The following ZNF454 variants were observed in gnomAD, a reference collection of about 807,000 sequenced individuals.
ZNF454 encodes the protein zinc finger protein 454.
Under a neutral mutation model 48.2 loss-of-function variants are expected in ZNF454, and 30 were observed. The ratio of observed to expected loss-of-function variants is 0.62; its 90% confidence interval spans 0.47 to 0.84. The LOEUF is 0.84. Among genes scored for constraint, ZNF454 ranks in the 40% least tolerant of loss-of-function variants. The pLI is 0.00. For synonymous variants in ZNF454, 204 were observed against 211.4 expected (o/e 0.97, Z 0.30); for missense variants, 510 against 623.1 (o/e 0.82, Z 1.93).
rs1283867026 is a variant in ZNF454, at chr5:178,941,403, A to G, written c.-149A>G. 2.2e-6 allele frequency: 1 copy of G among 456,688 alleles called. No homozygotes were observed. The highest frequency in any genetic ancestry group is 2.3e-5 in the Admixed American group (1 of 42,576). The allele number at this position is 456,688 out of a possible 1,614,324, so 28.3% of individuals were successfully genotyped here. On this transcript the variant is annotated 5_prime_UTR_variant, in exon 1 of 5. Coordinates refer to ENST00000519564, the MANE Select transcript of ZNF454 (RefSeq NM_001178089.3). This position sits in a 1 kb window ranked among gnomAD's most constrained non-coding sequence, Gnocchi z 5.5. ...GCCGAGGAGGTGCGGGTTGTGGTCC[A>G]TTCTGGAGGACGCTGATCGAATGCC...
At chr5:178,987,375 C>T in the ZNF454 span, 14 of 466,218 alleles carry the variant, frequency 3.0e-5, no homozygotes, top group Middle Eastern at 6.4e-4. Flanking sequence ...TTCACAGCAG[C>T]GTTATTCACA....
chr5:178,979,594 A>G, the ZNF454 span: 1 of 152,212 alleles, frequency 6.6e-6, no homozygotes, highest in Non-Finnish European at 1.5e-5. Context: ...TATGCCAGAA[A>G]CTTCACACTG....
the ZNF454 span, chr5:178,981,717 G>A: frequency 6.2e-7 from 1 of 1,614,144 alleles, no homozygotes; most frequent in Middle Eastern, 1.6e-4. This position sits in a 1 kb window ranked among gnomAD's most constrained non-coding sequence, Gnocchi z 5.1. Flanking sequence ...AGGTGGCCTT[G>A]AGGCTCCGCT....
chr5:178,983,194 C>G, the ZNF454 span: 2 of 1,612,596 alleles, frequency 1.2e-6, no homozygotes, highest in East Asian at 4.5e-5. Context: ...GGGGGCCGGG[C>G]CCCCAGCCAT....
chr5:178,942,577 C>T, intron 1 of ZNF454, 108 bp from the exon 2 acceptor site: 1 of 523,058 alleles, frequency 1.9e-6, no homozygotes, highest in Non-Finnish European at 3.4e-6. Context: ...CAAACAGGAA[C>T]CAAAACACTC....
the ZNF454 span, chr5:178,977,369 G>A: frequency 7.7e-5 from 35 of 455,094 alleles, no homozygotes; most frequent in African/African-American, 6.0e-4. Context: ...CACAGCAAGG[G>A]AGTGCTGTTT....
rs189221869 is a variant in ZNF454, at chr5:178,957,426, T to G, written c.251-7229T>G. On this transcript the variant is annotated intron_variant, in intron 4 of 4. Coordinates refer to ENST00000519564, the MANE Select transcript of ZNF454 (RefSeq NM_001178089.3). ...ATTTTTTATTTTATTTTATTTTTTTTGGGGACGAAGTCTTACTCAGTCGCC... is the reference window on the plus strand; with the variant it reads ...ATTTTTTATTTTATTTTATTTTTTTGGGGGACGAAGTCTTACTCAGTCGCC... Among the ~76,000 whole-genome samples, 893 of 151,896 alleles carry G rather than the reference T, an allele frequency of 5.9e-3. 6 individuals are homozygous for G. The highest frequency in any genetic ancestry group is 0.018 in the African/African-American group (748 of 41,420).
chr5:178,945,970 G>A (rs377035927), intron 2 of ZNF454, among the ~76,000 whole-genome samples: 6 of 152,122 alleles, frequency 3.9e-5, no homozygotes, highest in South Asian at 2.1e-4. Flanking sequence ...GGAAGGCTGC[G>A]CTGAGCGAGC....
intron 4 of ZNF454, among the ~76,000 whole-genome samples, chr5:178,948,930 T>C (rs1759448882): frequency 6.6e-6 from 1 of 150,472 alleles, no homozygotes; most frequent in African/African-American, 2.4e-5. Flanking sequence ...GAAGACACAG[T>C]CTCCTTCTGT....
At chr5:178,985,298 C>T in the ZNF454 span, 4 of 456,070 alleles carry the variant, frequency 8.8e-6, no homozygotes, top group East Asian at 7.0e-5. Context: ...GAGGCCCACA[C>T]TCCCCACCTG....
At chr5:178,945,334 G>C (rs1380713582) in intron 2 of ZNF454, among the ~76,000 whole-genome samples, 1 of 151,324 alleles carries the variant, frequency 6.6e-6, no homozygotes, top group Non-Finnish European at 1.5e-5. Context: ...GTGTGTGTTT[G>C]TATGTGGGTG....
the ZNF454 span, chr5:178,981,426 C>G: frequency 2.4e-5 from 11 of 467,464 alleles, no homozygotes; most frequent in South Asian, 3.7e-4. The surrounding 1 kb of genome is among the most constrained non-coding windows in gnomAD (Gnocchi z 5.1). Flanking sequence ...TGTTTCCCAC[C>G]ATGGGAAGCG....
rs1294251804 is a variant in ZNF454 at position 178,941,822 on chromosome 5, G to C, written c.-108+378G>C. 2.0e-5 allele frequency among the ~76,000 whole-genome samples: 3 copies of C among 152,156 alleles called. No homozygotes were observed. Among genetic ancestry groups the C allele is most frequent in the Non-Finnish European group, 4.4e-5 (3 of 68,034 alleles). ...CCCACCCGTGACTCCAGGCCACCCA[G>C]ACTGGGCCCCAGAGAGTGAGAACAC... On this transcript the variant is annotated intron_variant, in intron 1 of 4. Coordinates refer to ENST00000519564, the MANE Select transcript of ZNF454 (RefSeq NM_001178089.3). The surrounding 1 kb of genome is among the most constrained non-coding windows in gnomAD (Gnocchi z 5.5).
At chr5:178,963,406 C>T (rs1826862) in intron 4 of ZNF454, among the ~76,000 whole-genome samples, 17,083 of 151,698 alleles carry the variant, frequency 0.11, 1,503 homozygotes, top group African/African-American at 0.23. Flanking sequence ...TCTTGAAATG[C>T]GCCTGTTTAC....
the ZNF454 span, among the ~76,000 whole-genome samples, chr5:178,984,251 C>T: frequency 2.6e-5 from 4 of 151,226 alleles, no homozygotes; most frequent in South Asian, 2.1e-4. Context: ...ACCAAAACGG[C>T]CCACAGATGC....
chr5:178,978,519 A>G, the ZNF454 span: 7 of 152,234 alleles, frequency 4.6e-5, no homozygotes, highest in Admixed American at 4.6e-4. Context: ...GAAAATGGTT[A>G]CTATACAGAA....
chr5:178,969,625 T>A (rs1413371893), downstream of ZNF454: 2 of 456,694 alleles, frequency 4.4e-6, no homozygotes, highest in Non-Finnish European at 4.4e-6. Context: ...AAGACTGCTC[T>A]GGTACACCAC....
chr5:178,969,694 G>A (rs1307070787), downstream of ZNF454: 3 of 455,726 alleles, frequency 6.6e-6, no homozygotes, highest in Non-Finnish European at 1.3e-5. Context: ...ATAGAAAAAG[G>A]TAAGAGCCTG....
the ZNF454 span, among the ~76,000 whole-genome samples, chr5:178,988,774 AC>A: frequency 2.6e-5 from 4 of 151,962 alleles, no homozygotes; most frequent in African/African-American, 9.7e-5. This position sits in a 1 kb window ranked among gnomAD's most constrained non-coding sequence, Gnocchi z 6.0. Context: ...AAAATTGGGG[AC>A]CGGAACTTGT....
Sources: gnomAD v4.1 joint callset for allele counts (sites outside exome capture counted in the v4.1 genomes callset) on GRCh38, gnomAD v4.1.1 for gene constraint, Gnocchi (gnomAD v3.1) non-coding constraint, MANE v1.5 for transcripts, NCBI Gene and HGNC (gene_info 2026-07-23, HGNC 2026-07-21) for gene names.